Variants in MTFMT observed in about 807,000 individuals in gnomAD.
MTFMT encodes the protein methionyl-tRNA formyltransferase, mitochondrial.
Under a neutral mutation model 51.8 loss-of-function variants are expected in MTFMT, and 47 were observed. The observed-to-expected ratio is 0.91, with a 90% CI of 0.72 to 1.16. The LOEUF is 1.16. Among genes scored for constraint, MTFMT ranks in the 50% most tolerant of loss-of-function variants. The probability of loss-of-function intolerance (pLI) is 0.00; values close to 1 mark genes in which losing one functional copy is unlikely to be tolerated. For synonymous variants in MTFMT, 196 were observed against 176.7 expected (o/e 1.11, Z -0.87); for missense variants, 512 against 482.3 (o/e 1.06, Z -0.58).
At chr15:65,013,954 A>AC (rs978085901) in intron 6 of MTFMT, among the ~76,000 whole-genome samples, 7 of 151,960 alleles carry the variant, frequency 4.6e-5, no homozygotes, top group South Asian at 2.1e-4. Flanking sequence ...AAAAAAAAAA[A>AC]CAAAAAACAA....
At chr15:65,024,218 C>G (rs1283228537) in intron 2 of MTFMT, among the ~76,000 whole-genome samples, 4 of 152,072 alleles carry the variant, frequency 2.6e-5, no homozygotes, top group African/African-American at 4.8e-5. Flanking sequence ...CCCAGCTACT[C>G]GGAAGGCTGA....
chr15:65,003,365 C>T, intron 8 of MTFMT, 109 bp from the exon 9 acceptor site: 1 of 815,662 alleles, frequency 1.2e-6, no homozygotes. Context: ...ACCAACAAAT[C>T]TTTACTAAAT....
At position 65,029,461 on chromosome 15, in the gene MTFMT, G is replaced by A. The variant is rs1216768495; in HGVS notation, c.153C>T (p.Leu51=). Residue 51 remains leucine, a synonymous_variant, in exon 1 of 9, where the codon CTC becomes CTT. Coordinates refer to ENST00000220058, the MANE Select transcript of MTFMT (RefSeq NM_139242.4). ...GGGCGAACTGGTCCGTGCCGAAGAAGAGCACCCGCCAGGGAGGCTTCTCGC... is the reference window on the plus strand; with the variant it reads ...GGGCGAACTGGTCCGTGCCGAAGAAAAGCACCCGCCAGGGAGGCTTCTCGC... ...RVREKPPWRV[L]FFGTDQFARE... 2.0e-6 allele frequency: 3 copies of A among 1,531,844 alleles called. No individual in the cohort carries two copies. The highest frequency in any genetic ancestry group is 2.6e-6 in the Non-Finnish European group (3 of 1,141,632). The allele number at this position is 1,531,844 out of a possible 1,614,324, so 94.9% of individuals were successfully genotyped here. A position where few individuals can be genotyped will look rare whatever the true frequency, so the allele number is the denominator to read the frequency against.
At chr15:65,018,026 G>C (rs113189191) in intron 5 of MTFMT, among the ~76,000 whole-genome samples, 1 of 152,076 alleles carries the variant, frequency 6.6e-6, no homozygotes, top group Non-Finnish European at 1.5e-5. Flanking sequence ...GGAGGAATAC[G>C]GGTTAGATAA....
At chr15:65,018,051 T>C (rs77269704) in intron 5 of MTFMT, among the ~76,000 whole-genome samples, 11,643 of 152,180 alleles carry the variant, frequency 0.077, 604 homozygotes, top group Non-Finnish European at 0.11. Context: ...GAGATGGAAG[T>C]AGGACTTCTA....
At chr15:65,018,546 T>C (rs1595891045) in intron 5 of MTFMT, among the ~76,000 whole-genome samples, 2 of 152,202 alleles carry the variant, frequency 1.3e-5, no homozygotes, top group Non-Finnish European at 2.9e-5. Flanking sequence ...TATCTTGCCA[T>C]ACATTGTTGT....
chr15:65,017,719 G>T (rs2086335868), intron 5 of MTFMT, among the ~76,000 whole-genome samples: 1 of 152,016 alleles, frequency 6.6e-6, no homozygotes, highest in African/African-American at 2.4e-5. Flanking sequence ...GACTGCTTGA[G>T]CCTGGGAGGT....
chr15:65,002,820 G>A lies in MTFMT; in HGVS notation c.*242C>T. ...TCTACTAAAAATACAAAAATTAGCTGCGTGTGGTGGCGTGTGCCTGTAATC... is the reference window on the plus strand; with the variant it reads ...TCTACTAAAAATACAAAAATTAGCTACGTGTGGTGGCGTGTGCCTGTAATC... On this transcript the variant is annotated 3_prime_UTR_variant, in exon 9 of 9. Transcript: ENST00000220058. 1 of 230,830 alleles carries A rather than the reference G, an allele frequency of 4.3e-6. No homozygotes were observed. Among genetic ancestry groups the A allele is most frequent in the Non-Finnish European group, 8.4e-6 (1 of 119,128 alleles). 14.3% of individuals were successfully genotyped at this position (230,830 alleles called of 1,614,324 possible). A position where few individuals can be genotyped will look rare whatever the true frequency, so the allele number is the denominator to read the frequency against.
Position 65,013,287 on chromosome 15 carries a change from C to CTTTTTTTT in MTFMT, c.813+3141_813+3148dup, listed in dbSNP as rs71447831. On this transcript the variant is annotated intron_variant, in intron 6 of 8. Transcript: ENST00000220058. The stretch of plus-strand genomic sequence containing the variant: ...TCTTTTATTTTCTTTCTTTCTTCTT[C>CTTTTTTTT]TTTTTTTTTTAAGAGACAAAGTCTG... Among the ~76,000 whole-genome samples, 555 of 142,814 alleles carry CTTTTTTTT rather than the reference C, an allele frequency of 3.9e-3. 1 individual carries two copies. The highest frequency in any genetic ancestry group is 7.0e-3 in the Middle Eastern group (2 of 284). 93.7% of individuals were successfully genotyped at this position (142,814 alleles called of 152,430 possible). A position where few individuals can be genotyped will look rare whatever the true frequency, so the allele number is the denominator to read the frequency against.
At chr15:65,023,815 A>T (rs2086396770) in intron 2 of MTFMT, 21 bp from the exon 3 acceptor site, 2 of 1,601,554 alleles carry the variant, frequency 1.2e-6, no homozygotes, top group African/African-American at 2.7e-5. Flanking sequence ...AAATGTAGAA[A>T]TTAGTATGTC....
intron 1 of MTFMT, 99 bp from the exon 2 acceptor site, chr15:65,027,139 G>A: frequency 1.2e-6 from 1 of 832,472 alleles, no homozygotes; most frequent in Non-Finnish European, 2.0e-6. Context: ...TTAATCTCAT[G>A]AAGCATTTAG....
In MTFMT at chr15:65,021,617, C is replaced by G. The variant is rs1158514453; in HGVS notation, c.543-1G>C. ...TTTGAGAATTGGGCCTACATCAAAC[C>G]TAGCAAAAAATCAAAAGCAAATAAT... On this transcript the variant is annotated splice_acceptor_variant, in intron 3 of 8. Transcript: ENST00000220058. LOFTEE classifies it high-confidence loss of function. 5.8e-6 allele frequency: 9 copies of G among 1,561,776 alleles called. No individual in the cohort carries two copies. Among genetic ancestry groups the G allele is most frequent in the Non-Finnish European group, 7.9e-6 (9 of 1,145,860 alleles).
At chr15:65,012,302 TATAATA>T (rs367734371) in intron 6 of MTFMT, among the ~76,000 whole-genome samples, 3 of 142,676 alleles carry the variant, frequency 2.1e-5, no homozygotes, top group Non-Finnish European at 4.6e-5. Context: ...GAACTTAAAG[TATAATA>T]ATAATAATAA....
chr15:65,025,519 T>A (rs934149853), intron 2 of MTFMT, among the ~76,000 whole-genome samples: 1 of 152,156 alleles, frequency 6.6e-6, no homozygotes, highest in Non-Finnish European at 1.5e-5. Context: ...TGTAGTAATG[T>A]AGGCGAGAGT....
At chr15:65,020,473 T>C (rs1595891544) in intron 4 of MTFMT, among the ~76,000 whole-genome samples, 1 of 152,214 alleles carries the variant, frequency 6.6e-6, no homozygotes, top group African/African-American at 2.4e-5. Context: ...GGTAAGGTAG[T>C]ACATTGGCTT....
At chr15:65,012,150 A>C (rs1162118699) in intron 6 of MTFMT, among the ~76,000 whole-genome samples, 4 of 148,932 alleles carry the variant, frequency 2.7e-5, no homozygotes, top group Non-Finnish European at 5.9e-5. Context: ...AAAAAAAAAA[A>C]AAAAAAAAAG....
intron 6 of MTFMT, among the ~76,000 whole-genome samples, chr15:65,010,371 C>CA (rs11462658): frequency 0.99 from 150,318 of 152,268 alleles, 74,222 homozygotes; most frequent in East Asian, 1. Context: ...AGAAAAAACG[C>CA]CATCCATTAT....
intron 6 of MTFMT, among the ~76,000 whole-genome samples, chr15:65,013,196 A>T (rs2086284971): frequency 6.6e-6 from 1 of 152,108 alleles, no homozygotes; most frequent in African/African-American, 2.4e-5. Context: ...TGAATAGAAG[A>T]CATTTAACTT....
chr15:65,029,402 T>C lies in MTFMT; in HGVS notation c.209+3A>G. 2 of 1,487,526 alleles carry C rather than the reference T, an allele frequency of 1.3e-6. No homozygotes were observed. Among genetic ancestry groups the C allele is most frequent in the Non-Finnish European group, 1.8e-6 (2 of 1,120,000 alleles). 92.1% of individuals were successfully genotyped at this position (1,487,526 alleles called of 1,614,324 possible). A position where few individuals can be genotyped will look rare whatever the true frequency, so the allele number is the denominator to read the frequency against. ...CGGGTCCCCGGATCCCTGGCCCGGG[T>C]ACCTGGCGGCGTGCAGCGCCCGCAG... On this transcript the variant is annotated splice_donor_region_variant and intron_variant, in intron 1 of 8. Transcript: ENST00000220058.
Sources: allele counts gnomAD v4.1 joint callset (sites outside exome capture counted in the v4.1 genomes callset), GRCh38; gene constraint gnomAD v4.1.1; transcripts MANE v1.5; gene names NCBI Gene and HGNC (gene_info 2026-07-23, HGNC 2026-07-21).